Variants in SFRP2 observed in about 807,000 individuals in gnomAD.
The protein encoded by SFRP2 is secreted frizzled related protein 2, also known as secreted frizzled-related protein 2.
Under a neutral mutation model 26.0 loss-of-function variants are expected in SFRP2, and 16 were observed. That is an observed-to-expected ratio of 0.61 (90% confidence interval 0.42 to 0.93). The LOEUF (loss-of-function observed/expected upper bound fraction) is 0.93, where lower values mean the gene tolerates loss of function less well. Among genes scored for constraint, SFRP2 ranks in the 40% least tolerant of loss-of-function variants. The probability of loss-of-function intolerance (pLI) is 0.00; values close to 1 mark genes in which losing one functional copy is unlikely to be tolerated. For missense variants in SFRP2, 343 were observed against 392.4 expected (o/e 0.87, Z 1.06); for synonymous variants, 173 against 167.3 (o/e 1.03, Z -0.26).
chr4:153,784,864 G>A (rs6853435), intron 2 of SFRP2, among the ~76,000 whole-genome samples: 81,454 of 152,004 alleles, frequency 0.54, 22,106 homozygotes, highest in Admixed American at 0.61. Context: ...ACCTGCCCTT[G>A]GAAAAGGATA....
chr4:153,788,273 C>T, intron 1 of SFRP2, 61 bp downstream of exon 1: 1 of 1,555,854 alleles, frequency 6.4e-7, no homozygotes, highest in Non-Finnish European at 8.7e-7. Flanking sequence ...GTGGCAGGGG[C>T]GGGATCTCCT....
chr4:153,782,667 A>G (rs1741139648), intron 2 of SFRP2, among the ~76,000 whole-genome samples: 1 of 152,246 alleles, frequency 6.6e-6, no homozygotes. Flanking sequence ...TAATACACAA[A>G]GAATCTTAAA....
intron 2 of SFRP2, 50 bp from the exon 3 acceptor site, chr4:153,781,805 G>C: frequency 6.8e-7 from 1 of 1,479,090 alleles, no homozygotes; most frequent in Non-Finnish European, 9.4e-7. Flanking sequence ...AGGGAATACA[G>C]TATACCTCCC....
intron 2 of SFRP2, among the ~76,000 whole-genome samples, 176 bp downstream of exon 2, chr4:153,785,688 A>C (rs912505821): frequency 4.6e-5 from 7 of 152,158 alleles, no homozygotes; most frequent in African/African-American, 1.7e-4. Context: ...AATGCTAGAC[A>C]GTTACATAAG....
At position 153,788,598 on chromosome 4, in the gene SFRP2, T is replaced by C. The variant is rs776535023; in HGVS notation, c.238A>G (p.Ile80Val). ...KEVLEQAGAW[I>V]PLVMKQCHPD... ...TGGCACTGCTTCATGACCAGCGGGA[T>C]CCAAGCGCCGGCCTGCTCCAGCACC... is the stretch of plus-strand genomic sequence containing the variant. The change falls in exon 1 of 3, where the codon ATC (isoleucine) becomes GTC (valine). Residue 80 changes from isoleucine (I) to valine (V), a missense_variant. Ile to Val is a conservative substitution (Grantham distance 29). Transcript: ENST00000274063. The C allele has an allele frequency of 5.6e-6, 9 of 1,614,038 alleles. No homozygotes were observed. The highest frequency in any genetic ancestry group is 7.6e-6 in the Non-Finnish European group (9 of 1,179,984).
At chr4:153,785,637 G>T (rs1233799117) in intron 2 of SFRP2, among the ~76,000 whole-genome samples, 1 of 148,320 alleles carries the variant, frequency 6.7e-6, no homozygotes, top group East Asian at 2.0e-4. Context: ...TTGATTATTG[G>T]CTTAACAGAA....
In SFRP2 at chr4:153,788,855, G is replaced by A. The variant is rs778647547; in HGVS notation, c.-20C>T. ...CAGCATCGTGGGCGCGCGACCCCGA[G>A]GGGGCAGAGGGAGCGGAGCCGGGGA... On this transcript the variant is annotated 5_prime_UTR_variant, in exon 1 of 3. Transcript: ENST00000274063. 5.1e-6 allele frequency: 8 copies of A among 1,560,154 alleles called. No individual in the cohort carries two copies. The highest frequency in any genetic ancestry group is 6.0e-6 in the Non-Finnish European group (7 of 1,159,712).
chr4:153,781,968 G>T (rs887004493), intron 2 of SFRP2, among the ~76,000 whole-genome samples: 7 of 152,062 alleles, frequency 4.6e-5, no homozygotes, highest in Non-Finnish European at 1.0e-4. Flanking sequence ...CCAGGCACTT[G>T]GTTTCCAATC....
In SFRP2 at chr4:153,780,896, G is replaced by GTT. The variant is rs1010835747; in HGVS notation, c.*553_*554dup. On this transcript the variant is annotated 3_prime_UTR_variant, in exon 3 of 3. Transcript: ENST00000274063. The stretch of plus-strand genomic sequence containing the variant: ...TAGCTGGAATGTGATACATGTAACA[G>GTT]TTTAAGTTCCCATTGAAGGTATAAA... The GTT allele has an allele frequency of 2.0e-5, 3 of 153,214 alleles. No homozygotes were observed. Among genetic ancestry groups the GTT allele is most frequent in the Admixed American group, 1.3e-4 (2 of 15,356 alleles). The allele number at this position is 153,214 out of a possible 1,614,324, so 9.5% of individuals were successfully genotyped here.
At chr4:153,785,997 G>T (rs146047729) in intron 1 of SFRP2, 53 bp from the exon 2 acceptor site, 3 of 1,185,044 alleles carry the variant, frequency 2.5e-6, no homozygotes, top group Admixed American at 2.6e-5. Context: ...AGAACAGTAG[G>T]TGGCGTTTGT....
chr4:153,784,794 C>G (rs879480840), intron 2 of SFRP2, among the ~76,000 whole-genome samples: 24 of 152,312 alleles, frequency 1.6e-4, no homozygotes, highest in Admixed American at 3.9e-4. Flanking sequence ...GTAAGTTCAG[C>G]CTTGTGCCTG....
intron 2 of SFRP2, among the ~76,000 whole-genome samples, chr4:153,783,419 T>C (rs1168299983): frequency 6.6e-6 from 1 of 152,212 alleles, no homozygotes; most frequent in East Asian, 1.9e-4. Context: ...TGTCTAGCTC[T>C]AAAATAACTA....
At position 153,788,432 on chromosome 4, in the gene SFRP2, G is replaced by A; in HGVS notation, c.404C>T (p.Pro135Leu). The A allele has an allele frequency of 6.2e-7, 1 of 1,614,168 alleles. No individual in the cohort carries two copies. The highest frequency in any genetic ancestry group is 8.5e-7 in the Non-Finnish European group (1 of 1,180,046). Residue 135 changes from proline to leucine, a missense_variant, in exon 1 of 3, where the codon CCC (proline) becomes CTC (leucine). By Grantham distance (98) the Pro-to-Leu change is moderately conservative (BLOSUM62 -3). Transcript: ENST00000274063. ...CAPVMSAFGFPWPDMLECDRF... is the reference protein window; with the variant it reads ...CAPVMSAFGFLWPDMLECDRF... ...GTCGCACTCAAGCATGTCGGGCCAG[G>A]GGAAGCCGAAGGCGGACATGACCGG...
At chr4:153,781,927 T>C (rs1223485161) in intron 2 of SFRP2, among the ~76,000 whole-genome samples, 172 bp from the exon 3 acceptor site, 1 of 152,200 alleles carries the variant, frequency 6.6e-6, no homozygotes, top group East Asian at 1.9e-4. Context: ...GGGCAGCAGG[T>C]GGCTCCACTG....
In SFRP2 at chr4:153,781,381, T is replaced by G; in HGVS notation, c.*70A>C. On this transcript the variant is annotated 3_prime_UTR_variant, in exon 3 of 3. Transcript: ENST00000274063. ...AGGAGTGTGCTTGGGGAACGGGAGC[T>G]GAGATCCCGGAGCAGAAATGGTCAG... The G allele has an allele frequency of 4.2e-6, 6 of 1,426,284 alleles. No homozygotes were observed. The highest frequency in any genetic ancestry group is 3.9e-6 in the Non-Finnish European group (4 of 1,037,186). The allele number at this position is 1,426,284 out of a possible 1,614,324, so 88.4% of individuals were successfully genotyped here. A position where few individuals can be genotyped will look rare whatever the true frequency, so the allele number is the denominator to read the frequency against.
In SFRP2 at chr4:153,781,629, A is replaced by G; in HGVS notation, c.710T>C (p.Leu237Pro). The G allele has an allele frequency of 6.2e-7, 1 of 1,614,146 alleles. No homozygotes were observed. Among genetic ancestry groups the G allele is most frequent in the Non-Finnish European group, 8.5e-7 (1 of 1,180,014 alleles). ...GCACTGCAAGCTGTCTTTGAGCCAC[A>G]GCACCGATTTCTTCAGGTCCCTTTC... ...VSERDLKKSV[L>P]WLKDSLQCTC... Residue 237 changes from leucine to proline, a missense_variant, in exon 3 of 3, where the codon CTG (leucine) becomes CCG (proline). Physicochemically the swap from Leu to Pro is moderately conservative, Grantham distance 98 (BLOSUM62 -3). Transcript: ENST00000274063.
At chr4:153,788,290 G>A in intron 1 of SFRP2, 44 bp downstream of exon 1, 1 of 1,578,396 alleles carries the variant, frequency 6.3e-7, no homozygotes, top group Non-Finnish European at 8.6e-7. Flanking sequence ...TCCTGGGAGC[G>A]TCTCAGCCCA....
Position 153,788,733 on chromosome 4 carries a change from A to G in SFRP2, c.103T>C (p.Tyr35His), listed in dbSNP as rs1324425816. 1.2e-6 allele frequency: 2 copies of G among 1,613,582 alleles called. No homozygotes were observed. The highest frequency in any genetic ancestry group is 1.3e-5 in the African/African-American group (1 of 75,044). ...ATGGGCTTGCAATTGCTGCGCTTGT[A>G]GGAGAAGTCGGGCTGGCCAAAGAGG... ...LFLFGQPDFS[Y>H]KRSNCKPIPA... Residue 35 changes from tyrosine to histidine, a missense_variant, in exon 1 of 3, where the codon TAC becomes CAC. Coordinates refer to ENST00000274063, the MANE Select transcript of SFRP2 (RefSeq NM_003013.3).
intron 2 of SFRP2, among the ~76,000 whole-genome samples, chr4:153,784,610 A>G (rs934237998): frequency 7.2e-5 from 11 of 152,208 alleles, no homozygotes; most frequent in African/African-American, 2.7e-4. Flanking sequence ...GGATGGTTCC[A>G]GAGTTTTAGG....
Sources: allele counts gnomAD v4.1 joint callset (sites outside exome capture counted in the v4.1 genomes callset), GRCh38; gene constraint gnomAD v4.1.1; transcripts MANE v1.5; gene names NCBI Gene and HGNC (gene_info 2026-07-23, HGNC 2026-07-21).